PIP4K2A: variants seen among roughly 807,000 people sequenced by gnomAD.
PIP4K2A encodes the protein phosphatidylinositol-5-phosphate 4-kinase type 2 alpha, also known as phosphatidylinositol 5-phosphate 4-kinase type-2 alpha.
In PIP4K2A, 14 loss-of-function variants were observed where a neutral mutation model predicts 42.9. That is an observed-to-expected ratio of 0.33 (90% CI 0.22 to 0.51). PIP4K2A has a LOEUF of 0.51. Among genes scored for constraint, PIP4K2A ranks in the 20% least tolerant of loss-of-function variants. The pLI is 0.97. For missense variants in PIP4K2A, 434 were observed against 519.8 expected, an observed-to-expected ratio of 0.83 and a Z score of 1.61; for synonymous variants, 192 against 192.2, an observed-to-expected ratio of 1.00 and a Z score of 0.01.
rs535658347 is a variant in PIP4K2A, at chr10:22,561,298, T to G, written c.678+6553A>C. Reference sequence around the variant, plus strand: ...CTTGTTGCCATGAAAGTGATTCCATTGTTAGAATATAACTTATTTCCTTCA... The same window carrying G: ...CTTGTTGCCATGAAAGTGATTCCATGGTTAGAATATAACTTATTTCCTTCA... On this transcript the variant is annotated intron_variant, in intron 6 of 9. Coordinates refer to ENST00000376573, the MANE Select transcript of PIP4K2A (RefSeq NM_005028.5). 1.1e-4 allele frequency among the ~76,000 whole-genome samples: 17 copies of G among 152,342 alleles called. No individual in the cohort carries two copies. The South Asian group carries it at 3.5e-3, about 32-fold the overall frequency.
chr10:22,668,549 G>A (rs1412774217), intron 1 of PIP4K2A, among the ~76,000 whole-genome samples: 1 of 152,100 alleles, frequency 6.6e-6, no homozygotes. Context: ...ATACAATTGG[G>A]CTGTATTTCA....
rs1439603887 is a variant in PIP4K2A at position 22,646,926 on chromosome 10, CAAAACAA to C, written c.145-37216_145-37210del. On this transcript the variant is annotated intron_variant, in intron 1 of 9. Transcript: ENST00000376573. ...TCAGCAAAAACTCTTCAAGACAAAA[CAAAACAA>C]AAAACAAAACAAAACAAAACAAAAC... 1.4e-4 allele frequency among the ~76,000 whole-genome samples: 11 copies of C among 81,268 alleles called. No homozygotes were observed. In the East Asian group the frequency reaches 1.6e-3, roughly 12 times the overall value. The allele number at this position is 81,268 out of a possible 152,430, so 53.3% of individuals were successfully genotyped here. A position where few individuals can be genotyped will look rare whatever the true frequency, so the allele number is the denominator to read the frequency against.
chr10:22,656,020 G>T (rs760529892), intron 1 of PIP4K2A, among the ~76,000 whole-genome samples: 25 of 152,266 alleles, frequency 1.6e-4, no homozygotes, highest in Middle Eastern at 6.8e-3. Context: ...TCCTTAAGGG[G>T]CAAGTTCCTA....
chr10:22,648,368 T>C (rs1001221572), intron 1 of PIP4K2A, among the ~76,000 whole-genome samples: 1 of 152,234 alleles, frequency 6.6e-6, no homozygotes, highest in Non-Finnish European at 1.5e-5. Context: ...TGACATTAAA[T>C]GGCCCTCTGG....
intron 1 of PIP4K2A, among the ~76,000 whole-genome samples, chr10:22,620,008 A>G (rs1363748418): frequency 6.6e-6 from 1 of 152,242 alleles, no homozygotes; most frequent in Non-Finnish European, 1.5e-5. Flanking sequence ...AGATTTTTCA[A>G]TTAAACAAGA....
At chr10:22,560,309 C>T (rs1043270813) in intron 6 of PIP4K2A, among the ~76,000 whole-genome samples, 2 of 152,244 alleles carry the variant, frequency 1.3e-5, no homozygotes, top group Non-Finnish European at 2.9e-5. Flanking sequence ...GGATACGCTG[C>T]TGTGCTTTTG....
chr10:22,664,228 T>TACAC (rs370820884), intron 1 of PIP4K2A, among the ~76,000 whole-genome samples: 1,946 of 89,802 alleles, frequency 0.022, 87 homozygotes, highest in Middle Eastern at 0.11. Flanking sequence ...CATATATATA[T>TACAC]ACACACACAC....
At chr10:22,686,066 C>T (rs1445341226) in intron 1 of PIP4K2A, among the ~76,000 whole-genome samples, 2 of 152,192 alleles carry the variant, frequency 1.3e-5, no homozygotes, top group African/African-American at 4.8e-5. Flanking sequence ...CTGCAAACTT[C>T]CGACAGTGCC....
chr10:22,594,315 T>C (rs956701428), intron 3 of PIP4K2A, among the ~76,000 whole-genome samples: 3 of 152,250 alleles, frequency 2.0e-5, no homozygotes, highest in African/African-American at 4.8e-5. Flanking sequence ...TAGTTCAGAA[T>C]AATAATTCAT....
intron 1 of PIP4K2A, among the ~76,000 whole-genome samples, chr10:22,682,738 C>T (rs114922855): frequency 6.6e-6 from 1 of 152,182 alleles, no homozygotes; most frequent in Non-Finnish European, 1.5e-5. Flanking sequence ...CTGAGCCAGT[C>T]TGAACTTGGC....
At chr10:22,652,862 G>C (rs890489189) in intron 1 of PIP4K2A, among the ~76,000 whole-genome samples, 1 of 152,220 alleles carries the variant, frequency 6.6e-6, no homozygotes, top group Non-Finnish European at 1.5e-5. Flanking sequence ...GGGAGGCTGA[G>C]GCTTGAGGAT....
intron 1 of PIP4K2A, among the ~76,000 whole-genome samples, chr10:22,639,311 C>T (rs1164406019): frequency 1.3e-5 from 2 of 150,546 alleles, no homozygotes; most frequent in Non-Finnish European, 2.9e-5. Context: ...ACCAGCTGAG[C>T]TTACCAGAAA....
At chr10:22,662,101 C>CT (rs1839214956) in intron 1 of PIP4K2A, among the ~76,000 whole-genome samples, 1 of 152,220 alleles carries the variant, frequency 6.6e-6, no homozygotes, top group South Asian at 2.1e-4. Context: ...ACCATTTATA[C>CT]TGCAGGAAGC....
At chr10:22,674,436 AAAG>A (rs1160569845) in intron 1 of PIP4K2A, among the ~76,000 whole-genome samples, 22 of 150,760 alleles carry the variant, frequency 1.5e-4, no homozygotes, top group Admixed American at 3.3e-4. Flanking sequence ...AAAAAAAAAA[AAAG>A]AAGACCAGAC....
At chr10:22,708,798 C>G (rs1281357478) in intron 1 of PIP4K2A, among the ~76,000 whole-genome samples, 1 of 152,184 alleles carries the variant, frequency 6.6e-6, no homozygotes, top group Non-Finnish European at 1.5e-5. Context: ...TATTGTTTCA[C>G]ATTTAGTGGG....
intron 5 of PIP4K2A, among the ~76,000 whole-genome samples, chr10:22,572,436 T>G (rs1371143519): frequency 6.6e-6 from 1 of 152,100 alleles, no homozygotes; most frequent in Non-Finnish European, 1.5e-5. Flanking sequence ...GGCAACATGG[T>G]GAAATCCTGT....
chr10:22,606,209 G>A (rs1226135725), intron 3 of PIP4K2A, among the ~76,000 whole-genome samples: 6 of 151,820 alleles, frequency 4.0e-5, no homozygotes, highest in African/African-American at 2.4e-5. Context: ...TACTCTGGAC[G>A]CTGAGGTCGG....
chr10:22,558,727 G>T (rs1330635580), intron 6 of PIP4K2A, among the ~76,000 whole-genome samples: 2 of 152,186 alleles, frequency 1.3e-5, no homozygotes, highest in Non-Finnish European at 2.9e-5. Context: ...CTAGCATCCA[G>T]ATGTGAACAT....
At chr10:22,541,510 A>G (rs1162775013) in intron 8 of PIP4K2A, among the ~76,000 whole-genome samples, 1 of 152,220 alleles carries the variant, frequency 6.6e-6, no homozygotes, top group Non-Finnish European at 1.5e-5. Flanking sequence ...CGTACGTTGT[A>G]TGCCAGTGTG....
Sources: allele counts gnomAD v4.1 joint callset (sites outside exome capture counted in the v4.1 genomes callset), GRCh38; gene constraint gnomAD v4.1.1; transcripts MANE v1.5; gene names NCBI Gene and HGNC (gene_info 2026-07-23, HGNC 2026-07-21).